Variants in RPL7 observed in about 807,000 individuals in gnomAD.
RPL7 encodes the protein large ribosomal subunit protein uL30.
For synonymous variants in RPL7, 100 were observed against 102.2 expected (o/e 0.98, Z 0.13); for missense variants, 205 against 301.9 (o/e 0.68, Z 2.38).
chr8:73,291,042 C>G lies in RPL7; in HGVS notation c.*1+1G>C. 1 of 1,606,188 alleles carries G rather than the reference C, an allele frequency of 6.2e-7. No individual in the cohort carries two copies. ...ACCTTTCTCAGGATGAGGTCTCTCA[C>G]CTTAGTTCATTCTTCTAATAAGCCT... On this transcript the variant is annotated splice_donor_variant, in intron 6 of 6. Coordinates refer to ENST00000352983, the MANE Select transcript of RPL7 (RefSeq NM_000971.4). LOFTEE classifies it low-confidence loss of function (3UTR_SPLICE).
In RPL7 at chr8:73,291,665, A is replaced by C; in HGVS notation, c.429-4T>G. 1 of 1,592,104 alleles carries C rather than the reference A, an allele frequency of 6.3e-7. No homozygotes were observed. Among genetic ancestry groups the C allele is most frequent in the Non-Finnish European group, 8.6e-7 (1 of 1,162,280 alleles). On this transcript the variant is annotated splice_region_variant and splice_polypyrimidine_tract_variant and intron_variant, in intron 4 of 6. Transcript: ENST00000352983. Reference sequence around the variant, plus strand: ...TACTGACTTCAGATTGGGGTACCTGAAGTGAAAAAGCAAACATAAATAAGG... The same window carrying C: ...TACTGACTTCAGATTGGGGTACCTGCAGTGAAAAAGCAAACATAAATAAGG...
chr8:73,294,000 C>T (rs1419081207), upstream of RPL7: 2 of 181,304 alleles, frequency 1.1e-5, no homozygotes, highest in South Asian at 8.8e-5. Flanking sequence ...GCCCGCCCGG[C>T]GGGAGGGCAA....
rs373762484 is a variant in RPL7 at position 73,293,084 on chromosome 8, CAAAA to C, written c.15-291_15-288del. 16 of 293,302 alleles carry C rather than the reference CAAAA, an allele frequency of 5.5e-5. 1 individual carries two copies. Among genetic ancestry groups the C allele is most frequent in the African/African-American group, 2.7e-4 (12 of 44,132 alleles). 18.2% of individuals were successfully genotyped at this position (293,302 alleles called of 1,614,324 possible). On this transcript the variant is annotated intron_variant, in intron 1 of 6. Transcript: ENST00000352983. ...TCCGACGACTAATTAAAAAAAAAAACAAAAAAAACACACCAACACCCGAATAACA... is the reference window on the plus strand; with the variant it reads ...TCCGACGACTAATTAAAAAAAAAAACAAAACACACCAACACCCGAATAACA...
chr8:73,293,628 AAG>A lies in RPL7; in HGVS notation c.-18_-17del, dbSNP rs747652163. 8.7e-6 allele frequency: 14 copies of A among 1,613,800 alleles called. No homozygotes were observed. The highest frequency in any genetic ancestry group is 1.1e-5 in the South Asian group (1 of 91,018). Reference sequence around the variant, plus strand: ...CACCCTCCATGGTTCCAGCCGGAAAAAGAGGAAGTTGGCGCATGCGTACTGTC... The same window carrying A: ...CACCCTCCATGGTTCCAGCCGGAAAAAGGAAGTTGGCGCATGCGTACTGTC... On this transcript the variant is annotated 5_prime_UTR_variant, in exon 1 of 7. Coordinates refer to ENST00000352983, the MANE Select transcript of RPL7 (RefSeq NM_000971.4).
upstream of RPL7, chr8:73,293,656 C>T (rs768252369): frequency 1.6e-5 from 25 of 1,611,618 alleles, no homozygotes; most frequent in Non-Finnish European, 2.1e-5. Flanking sequence ...GCGTACTGTC[C>T]ACTTAAAGAC....
chr8:73,294,340 C>G (rs1035019788), upstream of RPL7: 3 of 152,988 alleles, frequency 2.0e-5, no homozygotes, highest in Admixed American at 6.5e-5. Flanking sequence ...GACTGCCGAG[C>G]TCGGCAGGCG....
chr8:73,293,790 G>A, upstream of RPL7: 1 of 683,186 alleles, frequency 1.5e-6, no homozygotes, highest in South Asian at 1.8e-5. Context: ...CAAACTTTCG[G>A]GTAAAACTTG....
intron 1 of RPL7, chr8:73,293,066 A>G: frequency 2.8e-6 from 1 of 351,600 alleles, no homozygotes; most frequent in Non-Finnish European, 5.1e-6. Flanking sequence ...GCCTCCGACG[A>G]CTAATTAAAA....
At chr8:73,292,832 C>G (rs1405795706) in intron 1 of RPL7, 35 bp from the exon 2 acceptor site, 2 of 1,492,446 alleles carry the variant, frequency 1.3e-6, no homozygotes, top group East Asian at 2.3e-5. Flanking sequence ...ATCAATAGCT[C>G]AAAAAGCTCA....
rs943113779 is a variant in RPL7 at position 73,293,067 on chromosome 8, CTAAT to C, written c.15-274_15-271del. ...AACCAAGAGGCCCGGCCTCCGACGA[CTAAT>C]TAAAAAAAAAAACAAAAAAAACACA... On this transcript the variant is annotated intron_variant, in intron 1 of 6. Transcript: ENST00000352983. 2.5e-5 allele frequency: 8 copies of C among 324,900 alleles called. No individual in the cohort carries two copies. The East Asian group carries it at 2.9e-4, about 12-fold the overall frequency. The allele number at this position is 324,900 out of a possible 1,614,324, so 20.1% of individuals were successfully genotyped here.
At chr8:73,293,121 C>T (rs1814146601) in intron 1 of RPL7, 2 of 274,578 alleles carry the variant, frequency 7.3e-6, no homozygotes, top group Admixed American at 9.9e-5. Flanking sequence ...ACAAAATGTA[C>T]TAGCTGAAAG....
intron 3 of RPL7, 69 bp from the exon 4 acceptor site, chr8:73,291,979 G>C (rs1027808588): frequency 2.2e-5 from 34 of 1,567,566 alleles, no homozygotes; most frequent in African/African-American, 4.1e-5. Flanking sequence ...AACCATTATA[G>C]TTTTGAATAT....
rs377758132 is a variant in RPL7, at chr8:73,291,858, G to A, written c.343C>T (p.Arg115Cys). 36 of 1,613,052 alleles carry A rather than the reference G, an allele frequency of 2.2e-5. No homozygotes were observed. The highest frequency in any genetic ancestry group is 4.0e-5 in the African/African-American group (3 of 74,918). Residue 115 changes from arginine (R) to cysteine (C), a missense_variant, in exon 4 of 7, where the codon CGT becomes TGT. Arg to Cys is a radical substitution (Grantham distance 180, BLOSUM62 -3). Transcript: ENST00000352983. The stretch of plus-strand genomic sequence containing the variant: ...ACAAAGGTTCCATTGAAGATTTGAC[G>A]AAGGCGAAGAAGCTGCAACACCTTT... ...VRKVLQLLRL[R>C]QIFNGTFVKL...
intron 2 of RPL7, 97 bp downstream of exon 2, chr8:73,292,592 T>TAC (rs1814128676): frequency 9.2e-7 from 1 of 1,083,412 alleles, no homozygotes; most frequent in Non-Finnish European, 1.4e-6. Context: ...AATTACTCAG[T>TAC]ACAGTTAGGA....
intron 2 of RPL7, 137 bp from the exon 3 acceptor site, chr8:73,292,542 A>T: frequency 9.8e-7 from 1 of 1,017,980 alleles, no homozygotes; most frequent in African/African-American, 1.6e-5. Context: ...CCCACCAAAA[A>T]ACCCCACTAC....
chr8:73,292,791 C>A lies in RPL7; in HGVS notation c.21G>T (p.Lys7Asn), dbSNP rs139088283. Reference sequence around the variant, plus strand: ...CTGGCACAGCAGGAACCTCCTTCTTCTTCTCTCTAACGTTAATAAACAAAA... The same window carrying A: ...CTGGCACAGCAGGAACCTCCTTCTTATTCTCTCTAACGTTAATAAACAAAA... MEGVEE[K>N]KKEVPAVPET... The change falls in exon 2 of 7, where the codon AAG becomes AAT. Residue 7 changes from lysine to asparagine, a missense_variant. Lys to Asn is a moderately conservative substitution (Grantham distance 94). Transcript: ENST00000352983. 6.2e-7 allele frequency: 1 copy of A among 1,609,028 alleles called. No homozygotes were observed. Among genetic ancestry groups the A allele is most frequent in the East Asian group, 2.2e-5 (1 of 44,850 alleles).
Position 73,293,601 on chromosome 8 carries a change from T to A in RPL7, c.12A>T (p.Val4=), listed in dbSNP as rs149887192. The change falls in exon 1 of 7, where the codon GTA becomes GTT. Residue 4 remains valine, a splice_region_variant and synonymous_variant. Transcript: ENST00000352983. The part of the protein sequence containing the change: MEG[V]EEKKKEVPAV... ...CAAGAGGACCAGAAGCAACTCACTCTACACCCTCCATGGTTCCAGCCGGAA... is the reference window on the plus strand; with the variant it reads ...CAAGAGGACCAGAAGCAACTCACTCAACACCCTCCATGGTTCCAGCCGGAA... The A allele has an allele frequency of 1.2e-3, 1,908 of 1,613,930 alleles. 29 individuals carry two copies. The South Asian group carries it at 0.016, about 13-fold the overall frequency.
chr8:73,293,474 CG>C (rs1814162087), intron 1 of RPL7, 124 bp downstream of exon 1: 3 of 1,195,520 alleles, frequency 2.5e-6, no homozygotes, highest in Non-Finnish European at 3.6e-6. Context: ...TGTCACACAG[CG>C]TTCACAATCA....
chr8:73,291,387 GAT>G (rs1814091410), intron 5 of RPL7, 135 bp from the exon 6 acceptor site: 1 of 857,026 alleles, frequency 1.2e-6, no homozygotes, highest in African/African-American at 1.7e-5. Flanking sequence ...GCTTTACAAA[GAT>G]AAGGTTCAAG....
Sources: allele counts gnomAD v4.1 joint callset, GRCh38; gene constraint gnomAD v4.1.1; transcripts MANE v1.5; gene names NCBI Gene and HGNC (gene_info 2026-07-23, HGNC 2026-07-21).